LIPA: variants seen among roughly 807,000 people sequenced by gnomAD.
The protein encoded by LIPA is lipase A, lysosomal acid type.
A neutral mutation model predicts 40.6 loss-of-function variants in LIPA; 26 were observed. The ratio of observed to expected loss-of-function variants is 0.64; its 90% confidence interval spans 0.47 to 0.89. The LOEUF (loss-of-function observed/expected upper bound fraction) is 0.89. Ranked by LOEUF, LIPA falls within the 40% of genes least tolerant of loss-of-function variation. LIPA has a pLI of 0.00. For synonymous variants in LIPA, 188 were observed against 168.4 expected, an observed-to-expected ratio of 1.12 and a Z score of -0.90; for missense variants, 455 against 479.6, an observed-to-expected ratio of 0.95 and a Z score of 0.48.
intron 1 of LIPA, chr10:89,340,149 C>T: frequency 6.4e-7 from 1 of 1,552,658 alleles, no homozygotes; most frequent in Non-Finnish European, 8.7e-7. Flanking sequence ...GAAAACAGAG[C>T]ATCAGAAGCC....
At chr10:89,276,873 G>C (rs1257645428) in intron 1 of LIPA, among the ~76,000 whole-genome samples, 2 of 152,136 alleles carry the variant, frequency 1.3e-5, no homozygotes, top group Admixed American at 1.3e-4. Context: ...AACTGCAACA[G>C]AAATACTAAA....
intron 2 of LIPA, among the ~76,000 whole-genome samples, chr10:89,389,873 A>T (rs1040768478): frequency 6.6e-6 from 1 of 152,062 alleles, no homozygotes; most frequent in Non-Finnish European, 1.5e-5. Context: ...CATATCTCTC[A>T]GTCAGAGAAT....
intron 1 of LIPA, among the ~76,000 whole-genome samples, chr10:89,336,748 T>C (rs1285349714): frequency 1.3e-5 from 2 of 150,390 alleles, no homozygotes; most frequent in Admixed American, 1.3e-4. Flanking sequence ...ATTTGGTTCA[T>C]AACTTTTTTT....
intron 1 of LIPA, among the ~76,000 whole-genome samples, chr10:89,311,080 A>G (rs867453303): frequency 1.3e-5 from 2 of 152,230 alleles, no homozygotes; most frequent in Non-Finnish European, 2.9e-5. Flanking sequence ...AATCCTGGAT[A>G]TCCCAAGTAA....
At chr10:89,222,478 C>T in intron 8 of LIPA, 33 bp downstream of exon 8, 1 of 1,398,366 alleles carries the variant, frequency 7.2e-7, no homozygotes, top group Non-Finnish European at 1.0e-6. Context: ...GTTGATTTTA[C>T]ATGAACCCCA....
intron 1 of LIPA, chr10:89,328,125 T>C (rs199672976): frequency 1.7e-4 from 269 of 1,596,528 alleles, no homozygotes; most frequent in Non-Finnish European, 8.6e-5. Flanking sequence ...TGAGTGCAAA[T>C]TGTAAGTTGA....
At chr10:89,239,425 T>C (rs939376561) in intron 3 of LIPA, among the ~76,000 whole-genome samples, 1 of 152,222 alleles carries the variant, frequency 6.6e-6, no homozygotes, top group East Asian at 1.9e-4. Context: ...GTATGAGAGT[T>C]CACCTGATGA....
intron 2 of LIPA, among the ~76,000 whole-genome samples, chr10:89,360,838 G>A (rs1403455344): frequency 6.6e-6 from 1 of 152,138 alleles, no homozygotes; most frequent in African/African-American, 2.4e-5. Context: ...ACAGAAATTT[G>A]TTCTCTCTCA....
chr10:89,318,760 A>C (rs947904726), intron 1 of LIPA, among the ~76,000 whole-genome samples: 3 of 152,224 alleles, frequency 2.0e-5, no homozygotes, highest in African/African-American at 7.2e-5. Flanking sequence ...CAGAATATAC[A>C]TTCTTCTCAG....
At chr10:89,381,970 A>G (rs1844166757) in intron 2 of LIPA, among the ~76,000 whole-genome samples, 1 of 151,942 alleles carries the variant, frequency 6.6e-6, no homozygotes, top group African/African-American at 2.4e-5. Flanking sequence ...GGGTTTCACC[A>G]TGTTGCCCAG....
intron 2 of LIPA, chr10:89,383,763 G>A (rs781015137): frequency 3.4e-5 from 55 of 1,614,070 alleles, no homozygotes; most frequent in South Asian, 6.6e-5. Context: ...GGGCCTTGGC[G>A]AAGTGTGGTG....
intron 1 of LIPA, chr10:89,307,539 T>TC: frequency 1.7e-6 from 1 of 599,906 alleles, no homozygotes; most frequent in Non-Finnish European, 2.9e-6. Context: ...TTGCTGGGTC[T>TC]TGAGAGAGCC....
At chr10:89,386,362 T>A (rs1478805247) in intron 2 of LIPA, among the ~76,000 whole-genome samples, 1 of 152,206 alleles carries the variant, frequency 6.6e-6, no homozygotes, top group Non-Finnish European at 1.5e-5. Flanking sequence ...GTCATTTAGA[T>A]GACACCTGGA....
At chr10:89,347,211 TAG>T (rs1415989437), upstream of LIPA, among the ~76,000 whole-genome samples, 7 of 152,204 alleles carry the variant, frequency 4.6e-5, no homozygotes, top group African/African-American at 1.7e-4. Context: ...AGAGGGCCGG[TAG>T]AGTCATCAGG....
chr10:89,247,386 A>T lies in LIPA; in HGVS notation c.111+152T>A. 4.4e-5 allele frequency: 5 copies of T among 112,926 alleles called. No individual in the cohort carries two copies. In the South Asian group the frequency reaches 1.6e-3, roughly 36 times the overall value. 7.0% of individuals were successfully genotyped at this position (112,926 alleles called of 1,614,324 possible). A position where few individuals can be genotyped will look rare whatever the true frequency, so the allele number is the denominator to read the frequency against. Reference sequence around the variant, plus strand: ...CAGAGTAAGACTCTGCCTCAAAAAAAAAAAAAAAAAAAAAAAAAAAAAAAA... The same window carrying T: ...CAGAGTAAGACTCTGCCTCAAAAAATAAAAAAAAAAAAAAAAAAAAAAAAA... On this transcript the variant is annotated intron_variant, in intron 2 of 9. Transcript: ENST00000336233.
At chr10:89,360,508 CACCAT>C (rs1844015864) in intron 2 of LIPA, among the ~76,000 whole-genome samples, 1 of 152,196 alleles carries the variant, frequency 6.6e-6, no homozygotes, top group African/African-American at 2.4e-5. Flanking sequence ...TTTACACAAG[CACCAT>C]AGAGACTAGA....
chr10:89,346,744 C>T (rs916403892), upstream of LIPA, among the ~76,000 whole-genome samples: 3 of 152,176 alleles, frequency 2.0e-5, no homozygotes, highest in Non-Finnish European at 4.4e-5. Context: ...AATCCTGAAC[C>T]AAGATCCACC....
chr10:89,403,373 G>A (rs887726289), intron 2 of LIPA: 4 of 1,613,370 alleles, frequency 2.5e-6, no homozygotes, highest in African/African-American at 1.3e-5. Flanking sequence ...TTCAAAAATT[G>A]TTATGCATGA....
At chr10:89,294,668 GA>G (rs1029342398) in intron 1 of LIPA, among the ~76,000 whole-genome samples, 145 of 152,154 alleles carry the variant, frequency 9.5e-4, no homozygotes, top group African/African-American at 3.3e-3. Flanking sequence ...ATTAATTTTT[GA>G]AAAAAGAATA....
Sources: gnomAD v4.1 joint callset for allele counts (sites outside exome capture counted in the v4.1 genomes callset) on GRCh38, gnomAD v4.1.1 for gene constraint, MANE v1.5 for transcripts, NCBI Gene and HGNC (gene_info 2026-07-23, HGNC 2026-07-21) for gene names.